RAB11A: variants seen among roughly 807,000 people sequenced by gnomAD.
The protein encoded by RAB11A is RAB11A, member RAS oncogene family, also known as ras-related protein Rab-11A.
A neutral mutation model predicts 28.0 loss-of-function variants in RAB11A; 9 were observed. The ratio of observed to expected loss-of-function variants is 0.32; its 90% CI spans 0.19 to 0.56. RAB11A has a LOEUF of 0.56. RAB11A is among the 20% of genes least tolerant of loss of function. RAB11A has a pLI of 0.91. For synonymous variants in RAB11A, 85 were observed against 88.2 expected, an observed-to-expected ratio of 0.96 and a Z score of 0.20; for missense variants, 108 against 269.6, an observed-to-expected ratio of 0.40 and a Z score of 4.20.
intron 1 of RAB11A, chr15:65,869,890 G>A (rs2078147809): frequency 2.0e-5 from 7 of 346,272 alleles, no homozygotes; most frequent in Non-Finnish European, 1.6e-5. Flanking sequence ...CTGGCGGACT[G>A]CCTTCTCCCA....
intron 3 of RAB11A, 54 bp from the exon 4 acceptor site, chr15:65,879,617 T>G (rs1009061323): frequency 1.4e-6 from 2 of 1,388,640 alleles, no homozygotes; most frequent in African/African-American, 2.9e-5. Context: ...CTTGAGTATA[T>G]CCTATTCCTT....
intron 1 of RAB11A, among the ~76,000 whole-genome samples, chr15:65,876,986 T>C (rs1725525291): frequency 6.6e-6 from 1 of 152,218 alleles, no homozygotes; most frequent in Non-Finnish European, 1.5e-5. Context: ...TCTAAAGTAG[T>C]AAGATTGGCA....
intron 1 of RAB11A, 50 bp downstream of exon 1, chr15:65,869,675 G>T: frequency 1.3e-6 from 2 of 1,574,370 alleles, no homozygotes; most frequent in Non-Finnish European, 1.7e-6. Flanking sequence ...CGGGGACCCG[G>T]GCCACTCCCG....
intron 4 of RAB11A, among the ~76,000 whole-genome samples, chr15:65,880,586 T>A (rs1285793558): frequency 6.6e-6 from 1 of 152,174 alleles, no homozygotes; most frequent in Admixed American, 6.5e-5. Flanking sequence ...ATGTAACAAG[T>A]TTTGATTTAT....
At chr15:65,884,639 C>T (rs1314745244) in intron 4 of RAB11A, among the ~76,000 whole-genome samples, 1 of 151,676 alleles carries the variant, frequency 6.6e-6, no homozygotes, top group African/African-American at 2.4e-5. Flanking sequence ...GCACTTACTC[C>T]AGTTACCAAA....
chr15:65,890,750 T>C lies in RAB11A; in HGVS notation c.*2910T>C, dbSNP rs1295853958. 1 of 152,230 alleles carries C rather than the reference T, an allele frequency of 6.6e-6. No homozygotes were observed. Among genetic ancestry groups the C allele is most frequent in the African/African-American group, 2.4e-5 (1 of 41,460 alleles). The allele number at this position is 152,230 out of a possible 1,614,324, so 9.4% of individuals were successfully genotyped here. A position where few individuals can be genotyped will look rare whatever the true frequency, so the allele number is the denominator to read the frequency against. On this transcript the variant is annotated 3_prime_UTR_variant, in exon 5 of 5. Transcript: ENST00000261890. The stretch of plus-strand genomic sequence containing the variant: ...CTTCCATCTACCTTAGAGAAGAAGC[T>C]GTACTATTTAGACAGTTTTGGCCAA...
At chr15:65,875,238 A>T (rs572905533) in intron 1 of RAB11A, among the ~76,000 whole-genome samples, 16 of 151,952 alleles carry the variant, frequency 1.1e-4, no homozygotes, top group Non-Finnish European at 1.6e-4. Context: ...GTGCCTGTCT[A>T]ATTTTTTTGT....
rs911259759 is a variant in RAB11A, at chr15:65,891,134, A to G, written c.*3294A>G. On this transcript the variant is annotated 3_prime_UTR_variant, in exon 5 of 5. Coordinates refer to ENST00000261890, the MANE Select transcript of RAB11A (RefSeq NM_004663.5). ...GCCACGCCCCTTTCTGGGATTTGAC[A>G]AGTCTTTCCCACTCACCTATACAAT... The G allele has an allele frequency of 2.1e-4, 32 of 152,178 alleles. No homozygotes were observed. The highest frequency in any genetic ancestry group is 7.7e-4 in the African/African-American group (32 of 41,438). The allele number at this position is 152,178 out of a possible 1,614,324, so 9.4% of individuals were successfully genotyped here. A position where few individuals can be genotyped will look rare whatever the true frequency, so the allele number is the denominator to read the frequency against.
intron 4 of RAB11A, among the ~76,000 whole-genome samples, chr15:65,883,598 C>CT (rs561447357): frequency 4.0e-5 from 6 of 149,942 alleles, no homozygotes; most frequent in Non-Finnish European, 7.4e-5. Context: ...ACACTAAATT[C>CT]TTTTTTTTTT....
chr15:65,869,695 C>T (rs1205116601), intron 1 of RAB11A, 70 bp downstream of exon 1: 4 of 1,522,474 alleles, frequency 2.6e-6, no homozygotes, highest in African/African-American at 2.7e-5. Flanking sequence ...GGTGGACCCT[C>T]GTGCCGGCCA....
At chr15:65,876,291 GTATTT>G (rs1032704589) in intron 1 of RAB11A, among the ~76,000 whole-genome samples, 6 of 151,918 alleles carry the variant, frequency 3.9e-5, no homozygotes, top group African/African-American at 1.2e-4. Context: ...TTGCTTTGTT[GTATTT>G]TATTTTATTT....
At chr15:65,879,525 T>C (rs2078209300) in intron 3 of RAB11A, 146 bp from the exon 4 acceptor site, 1 of 538,708 alleles carries the variant, frequency 1.9e-6, no homozygotes, top group Admixed American at 3.4e-5. Flanking sequence ...AAATAAAGTG[T>C]AAACAGAATG....
chr15:65,883,130 A>C (rs771500604), intron 4 of RAB11A, among the ~76,000 whole-genome samples: 5 of 152,218 alleles, frequency 3.3e-5, no homozygotes, highest in South Asian at 2.1e-4. Flanking sequence ...ATAATTATCA[A>C]AATCAGAGAG....
rs761363672 is a variant in RAB11A at position 65,877,721 on chromosome 15, A to G, written c.237-41A>G. ...TGAGTTCTTCCTGGTGTTTGCTTCC[A>G]TCTTGTGGTTTTCTGATACTAAATA... On this transcript the variant is annotated intron_variant, in intron 2 of 4. Transcript: ENST00000261890. The surrounding 1 kb of genome is among the most constrained non-coding windows in gnomAD (Gnocchi z 4.1). The G allele has an allele frequency of 4.0e-6, 6 of 1,489,338 alleles. No homozygotes were observed. The highest frequency in any genetic ancestry group is 2.8e-5 in the African/African-American group (2 of 71,218). 92.3% of individuals were successfully genotyped at this position (1,489,338 alleles called of 1,614,324 possible).
intron 1 of RAB11A, among the ~76,000 whole-genome samples, chr15:65,871,381 A>G (rs1386371650): frequency 6.6e-6 from 1 of 152,256 alleles, no homozygotes; most frequent in Non-Finnish European, 1.5e-5. Flanking sequence ...ATATGACAGC[A>G]TACCTTTTGC....
At chr15:65,874,011 G>T (rs2078178089) in intron 1 of RAB11A, among the ~76,000 whole-genome samples, 1 of 152,132 alleles carries the variant, frequency 6.6e-6, no homozygotes, top group Non-Finnish European at 1.5e-5. Context: ...CTCTCACGTG[G>T]TAACTTTTAG....
intron 3 of RAB11A, among the ~76,000 whole-genome samples, chr15:65,878,571 C>T (rs186838103): frequency 1.0e-3 from 152 of 152,118 alleles, no homozygotes; most frequent in African/African-American, 3.2e-3. Context: ...CCCAGCTACT[C>T]GGGAGGCTGA....
chr15:65,872,645 G>C (rs1319780198), intron 1 of RAB11A, among the ~76,000 whole-genome samples: 1 of 151,948 alleles, frequency 6.6e-6, no homozygotes, highest in Non-Finnish European at 1.5e-5. Context: ...TGTTGGTCAG[G>C]CTGGTCTCGA....
chr15:65,882,621 T>C (rs985908128), intron 4 of RAB11A, among the ~76,000 whole-genome samples: 2 of 152,166 alleles, frequency 1.3e-5, no homozygotes, highest in Admixed American at 6.5e-5. Context: ...AAATTTACAT[T>C]GTTACTTCAG....
Sources: gnomAD v4.1 joint callset for allele counts (sites outside exome capture counted in the v4.1 genomes callset) on GRCh38, gnomAD v4.1.1 for gene constraint, Gnocchi (gnomAD v3.1) non-coding constraint, MANE v1.5 for transcripts, NCBI Gene and HGNC (gene_info 2026-07-23, HGNC 2026-07-21) for gene names.